The following TRRAP variants were observed in gnomAD, a reference collection of about 807,000 sequenced individuals.
TRRAP encodes transformation/transcription domain associated protein, also known as transformation/transcription domain-associated protein.
A neutral mutation model predicts 438.8 loss-of-function variants in TRRAP; 41 were observed. The observed-to-expected ratio is 0.09, with a 90% CI of 0.07 to 0.12. TRRAP has a LOEUF of 0.12. Ranked by LOEUF, TRRAP falls within the 10% of genes least tolerant of loss-of-function variation. The probability of loss-of-function intolerance (pLI) is 1.00; values close to 1 mark genes in which losing one functional copy is unlikely to be tolerated. For synonymous variants in TRRAP, 1,994 were observed against 1,962.9 expected (o/e 1.02, Z -0.42); for missense variants, 3,122 against 5,055.1 (o/e 0.62, Z 11.60).
chr7:98,891,887 A>G (rs1399641451), intron 4 of TRRAP, among the ~76,000 whole-genome samples: 1 of 152,216 alleles, frequency 6.6e-6, no homozygotes, highest in East Asian at 1.9e-4. Context: ...CCATAATACC[A>G]GCTTATTAGT....
rs1791185932 is a variant in TRRAP, at chr7:98,948,468, G to A, written c.4669-98G>A. 7.4e-6 allele frequency: 12 copies of A among 1,610,912 alleles called. No homozygotes were observed. Among genetic ancestry groups the A allele is most frequent in the Non-Finnish European group, 1.0e-5 (12 of 1,178,654 alleles). The stretch of plus-strand genomic sequence containing the variant: ...TCGATGTCAACATTTGCTTGTGGGT[G>A]TTCATGCACTCCAGTAACAAGGGAC... On this transcript the variant is annotated intron_variant, in intron 34 of 72. Coordinates refer to ENST00000456197, the MANE Select transcript of TRRAP (RefSeq NM_001375524.1). This position sits in a 1 kb window ranked among gnomAD's most constrained non-coding sequence, Gnocchi z 4.9.
intron 12 of TRRAP, among the ~76,000 whole-genome samples, chr7:98,904,098 C>G (rs1584289833): frequency 1.3e-5 from 2 of 152,198 alleles, no homozygotes; most frequent in African/African-American, 4.8e-5. Flanking sequence ...GTGTGAGCCA[C>G]TGCACCCAAC....
At chr7:98,921,976 T>C (rs1427141781) in intron 21 of TRRAP, 23 bp downstream of exon 21, 4 of 1,614,024 alleles carry the variant, frequency 2.5e-6, no homozygotes, top group Non-Finnish European at 3.4e-6. Context: ...ACAATGTCGT[T>C]TCGTTTTAAG....
chr7:99,001,370 T>C (rs1242096597), intron 67 of TRRAP, among the ~76,000 whole-genome samples: 1 of 152,220 alleles, frequency 6.6e-6, no homozygotes, highest in Non-Finnish European at 1.5e-5. Flanking sequence ...TGTGTGGTCT[T>C]TCACCCTTCT....
Position 98,967,620 on chromosome 7 carries a change from C to T in TRRAP, c.7434C>T (p.Tyr2478=), listed in dbSNP as rs771243011. Residue 2478 remains tyrosine, a synonymous_variant, in exon 51 of 73, where the codon TAC becomes TAT. Transcript: ENST00000456197. ...ACAACTCCATGAAACGTCGTGTCTA[C>T]GAGCGCTTGCTCTATGTGACCTGTT... ...VFDNSMKRRV[Y]ERLLYVTCSQ... is the part of the protein sequence containing the mutation. The T allele has an allele frequency of 1.7e-5, 28 of 1,613,942 alleles. No individual in the cohort carries two copies. The highest frequency in any genetic ancestry group is 2.2e-5 in the Non-Finnish European group (26 of 1,180,046).
intron 27 of TRRAP, among the ~76,000 whole-genome samples, chr7:98,934,993 G>A (rs1294438437): frequency 6.6e-6 from 1 of 152,166 alleles, no homozygotes; most frequent in Non-Finnish European, 1.5e-5. Flanking sequence ...TGAATGAAGA[G>A]AAGGGGGAAA....
chr7:99,004,166 T>A (rs377474956), intron 67 of TRRAP, 24 bp from the exon 68 acceptor site: 3 of 1,600,760 alleles, frequency 1.9e-6, no homozygotes, highest in Non-Finnish European at 2.6e-6. Context: ...CTAAAAACGT[T>A]TTTAATCATG....
intron 8 of TRRAP, 131 bp from the exon 9 acceptor site, chr7:98,899,291 C>A: frequency 2.7e-6 from 2 of 735,904 alleles, no homozygotes; most frequent in Non-Finnish European, 2.4e-6. Context: ...TCTTTCATCA[C>A]AAATATTTAC....
intron 1 of TRRAP, among the ~76,000 whole-genome samples, chr7:98,880,335 C>T (rs565521273): frequency 1.3e-3 from 192 of 147,228 alleles, no homozygotes; most frequent in African/African-American, 4.5e-3. Flanking sequence ...ACAATCTTGG[C>T]TCACTGCAAT....
chr7:98,983,000 C>A (rs1300357082), intron 59 of TRRAP, among the ~76,000 whole-genome samples: 1 of 152,098 alleles, frequency 6.6e-6, no homozygotes, highest in Non-Finnish European at 1.5e-5. Context: ...GGTGTCTGTA[C>A]CATCGTTCTC....
At chr7:98,971,535 T>C (rs1272242448) in intron 52 of TRRAP, among the ~76,000 whole-genome samples, 2 of 152,234 alleles carry the variant, frequency 1.3e-5, no homozygotes, top group African/African-American at 4.8e-5. Context: ...GTTTATTCTT[T>C]TAAATTGTGC....
Position 98,910,074 on chromosome 7 carries a change from C to T in TRRAP, c.1369C>T (p.His457Tyr), listed in dbSNP as rs1419803566. Residue 457 changes from histidine to tyrosine, a missense_variant, in exon 15 of 73, where the codon CAC becomes TAC. By Grantham distance (83) the His-to-Tyr change is moderately conservative. Coordinates refer to ENST00000456197, the MANE Select transcript of TRRAP (RefSeq NM_001375524.1). ...RMLEVFVLKF[H>Y]TIARYQLSAI... ...CCGTTAGGTTTTCGTTCTCAAATTC[C>T]ACACAATTGCTCGGTACCAGCTCTC... 2 of 1,540,900 alleles carry T rather than the reference C, an allele frequency of 1.3e-6. No homozygotes were observed. Among genetic ancestry groups the T allele is most frequent in the Non-Finnish European group, 1.7e-6 (2 of 1,144,946 alleles).
intron 14 of TRRAP, among the ~76,000 whole-genome samples, chr7:98,909,755 C>A (rs1482745655): frequency 2.0e-5 from 3 of 150,750 alleles, no homozygotes; most frequent in Admixed American, 6.6e-5. Flanking sequence ...AGACTCTGCA[C>A]ATGCAAAACG....
rs1790836110 is a variant in TRRAP at position 98,942,379 on chromosome 7, CCTCTT to C, written c.4405-565_4405-561del. Among the ~76,000 whole-genome samples the C allele has an allele frequency of 2.0e-5, 3 of 152,322 alleles. No homozygotes were observed. In the South Asian group the frequency reaches 6.2e-4, roughly 32 times the overall value. On this transcript the variant is annotated intron_variant, in intron 30 of 72. Transcript: ENST00000456197. ...TCTGTGCTGTCAGGGCCTTTGCCCT[CCTCTT>C]CTCTCTGCCCTTCTGCTTCTGGCAT...
intron 58 of TRRAP, among the ~76,000 whole-genome samples, chr7:98,980,070 G>A (rs1008791934): frequency 2.6e-5 from 4 of 152,196 alleles, no homozygotes; most frequent in African/African-American, 9.7e-5. Flanking sequence ...CCAATGTGGA[G>A]GGTAATGTTG....
In TRRAP at chr7:98,965,546, T is replaced by C. The variant is rs1026073586; in HGVS notation, c.6977-150T>C. On this transcript the variant is annotated intron_variant, in intron 48 of 72. Transcript: ENST00000456197. ...TTTCCAAGATGCACGTAAGAACATA[T>C]GAGTGCTTCAAATCCCAGAGCTCTA... The C allele has an allele frequency of 1.4e-5, 14 of 1,011,928 alleles. No homozygotes were observed. The South Asian group carries it at 1.7e-4, about 12-fold the overall frequency. The allele number at this position is 1,011,928 out of a possible 1,614,324, so 62.7% of individuals were successfully genotyped here.
At chr7:98,934,668 T>A (rs1280672172) in intron 27 of TRRAP, among the ~76,000 whole-genome samples, 2 of 152,154 alleles carry the variant, frequency 1.3e-5, no homozygotes, top group African/African-American at 4.8e-5. Context: ...TCCATTTGGG[T>A]GAGACCTGGG....
At chr7:98,942,806 A>T in intron 30 of TRRAP, 143 bp from the exon 31 acceptor site, 1 of 837,012 alleles carries the variant, frequency 1.2e-6, no homozygotes, top group Non-Finnish European at 1.9e-6. Context: ...TCTCATCACT[A>T]GTTAGATGGT....
At chr7:98,955,385 T>A in intron 41 of TRRAP, 81 bp downstream of exon 41, 1 of 1,405,412 alleles carries the variant, frequency 7.1e-7, no homozygotes, top group African/African-American at 1.4e-5. Context: ...TGTTCTGCAA[T>A]AATCAGGTGG....
Sources: gnomAD v4.1 joint callset for allele counts (sites outside exome capture counted in the v4.1 genomes callset) on GRCh38, gnomAD v4.1.1 for gene constraint, Gnocchi (gnomAD v3.1) non-coding constraint, MANE v1.5 for transcripts, NCBI Gene and HGNC (gene_info 2026-07-23, HGNC 2026-07-21) for gene names.